The following DGKG variants were observed in gnomAD, a reference collection of about 807,000 sequenced individuals.
DGKG encodes the protein diacylglycerol kinase gamma.
A neutral mutation model predicts 105.3 loss-of-function variants in DGKG; 78 were observed. The ratio of observed to expected loss-of-function variants is 0.74; its 90% CI spans 0.62 to 0.89. The LOEUF is 0.89. Among genes scored for constraint, DGKG ranks in the 40% least tolerant of loss-of-function variants. The pLI, the probability that DGKG is intolerant of heterozygous loss-of-function variation, is 0.00. For synonymous variants in DGKG, 346 were observed against 367.1 expected (o/e 0.94, Z 0.66); for missense variants, 958 against 1,020.1 (o/e 0.94, Z 0.83).
intron 17 of DGKG, chr3:186,257,638 C>G (rs959923000): frequency 8.2e-6 from 4 of 486,848 alleles, no homozygotes; most frequent in Non-Finnish European, 1.5e-5. Flanking sequence ...TGAAACTAAA[C>G]TGTTACCTCC....
At chr3:186,207,453 G>A (rs1209650278) in intron 21 of DGKG, 1 of 985,244 alleles carries the variant, frequency 1.0e-6, no homozygotes, top group Non-Finnish European at 1.2e-6. Flanking sequence ...CCCTTCTCTG[G>A]AAAGGTGATT....
Position 186,362,026 on chromosome 3 carries a change from G to A in DGKG, c.-329C>T, listed in dbSNP as rs1410667222. 6.6e-6 allele frequency: 1 copy of A among 152,242 alleles called. No individual in the cohort carries two copies. The highest frequency in any genetic ancestry group is 2.4e-5 in the African/African-American group (1 of 41,442). The allele number at this position is 152,242 out of a possible 1,614,324, so 9.4% of individuals were successfully genotyped here. A position where few individuals can be genotyped will look rare whatever the true frequency, so the allele number is the denominator to read the frequency against. ...TATTCCCTTACTTGGGAGGAAAGAGGAACCGAGAGACAGAAGGGGGACCGA... is the reference window on the plus strand; with the variant it reads ...TATTCCCTTACTTGGGAGGAAAGAGAAACCGAGAGACAGAAGGGGGACCGA... On this transcript the variant is annotated 5_prime_UTR_variant, in exon 1 of 25. Transcript: ENST00000265022.
intron 20 of DGKG, among the ~76,000 whole-genome samples, chr3:186,228,110 A>G (rs1445520943): frequency 6.6e-6 from 1 of 152,212 alleles, no homozygotes; most frequent in Non-Finnish European, 1.5e-5. Context: ...TGAGGAAGAG[A>G]GAATGACATG....
chr3:186,253,847 A>G (rs1317464553), intron 17 of DGKG, among the ~76,000 whole-genome samples: 3 of 152,208 alleles, frequency 2.0e-5, no homozygotes, highest in African/African-American at 7.2e-5. Context: ...ACATTGGACA[A>G]GCTGAAGATG....
At chr3:186,246,284 TA>T (rs1720937303) in intron 19 of DGKG, among the ~76,000 whole-genome samples, 1 of 152,240 alleles carries the variant, frequency 6.6e-6, no homozygotes, top group African/African-American at 2.4e-5. Context: ...AAATTAATTT[TA>T]ATAATATATT....
chr3:186,313,559 TA>T, intron 2 of DGKG: 1 of 984,138 alleles, frequency 1.0e-6, no homozygotes, highest in Non-Finnish European at 1.2e-6. Context: ...ATCTTGCAAC[TA>T]AAAGTGTGGT....
chr3:186,278,990 G>A (rs1446975148), intron 9 of DGKG: 4 of 152,178 alleles, frequency 2.6e-5, no homozygotes, highest in African/African-American at 4.8e-5. Context: ...TACAGTAACT[G>A]GGTCAGATGA....
At chr3:186,275,723 G>C (rs1056474736) in intron 9 of DGKG, 59 bp from the exon 10 acceptor site, 12 of 1,158,184 alleles carry the variant, frequency 1.0e-5, no homozygotes, top group Non-Finnish European at 1.5e-5. Context: ...GAGGAAGCCA[G>C]GGGCTGCCTC....
chr3:186,152,231 GTC>G (rs1715796425), intron 24 of DGKG, among the ~76,000 whole-genome samples: 1 of 152,134 alleles, frequency 6.6e-6, no homozygotes, highest in African/African-American at 2.4e-5. Flanking sequence ...AGGGGAGAGA[GTC>G]TCTGTTTTTT....
chr3:186,324,379 G>A (rs949991610), intron 1 of DGKG, among the ~76,000 whole-genome samples: 1 of 152,000 alleles, frequency 6.6e-6, no homozygotes, highest in Non-Finnish European at 1.5e-5. Context: ...GATTAAGTGG[G>A]TTAATATATG....
At chr3:186,251,648 G>T (rs1310907013) in intron 19 of DGKG, 111 bp downstream of exon 19, 2 of 1,272,958 alleles carry the variant, frequency 1.6e-6, no homozygotes, top group African/African-American at 1.5e-5. Context: ...TCAGGGCTGG[G>T]GGGGCAGGTA....
intron 22 of DGKG, among the ~76,000 whole-genome samples, chr3:186,166,620 G>A (rs573698221): frequency 1.8e-5 from 2 of 110,236 alleles, no homozygotes; most frequent in Non-Finnish European, 3.8e-5. Flanking sequence ...AACAACATGG[G>A]CTATAAATGT....
chr3:186,300,414 G>A (rs9868652), intron 3 of DGKG, among the ~76,000 whole-genome samples: 34,556 of 151,996 alleles, frequency 0.23, 4,179 homozygotes, highest in African/African-American at 0.29. Flanking sequence ...GGTCACAGAC[G>A]TGATCATCTC....
At chr3:186,286,899 C>T (rs1310758142) in intron 6 of DGKG, among the ~76,000 whole-genome samples, 1 of 151,836 alleles carries the variant, frequency 6.6e-6, no homozygotes, top group Non-Finnish European at 1.5e-5. Flanking sequence ...CTGGGCGTAG[C>T]GGCGGGCACC....
intron 20 of DGKG, among the ~76,000 whole-genome samples, chr3:186,215,968 A>C (rs1001412863): frequency 6.6e-6 from 1 of 151,428 alleles, no homozygotes; most frequent in Non-Finnish European, 1.5e-5. Flanking sequence ...GATGAATAAG[A>C]CAAGCAAGAC....
intron 1 of DGKG, among the ~76,000 whole-genome samples, chr3:186,337,668 A>G (rs1042674240): frequency 1.6e-4 from 25 of 152,206 alleles, no homozygotes; most frequent in Admixed American, 2.0e-4. Context: ...AAATTGGAAT[A>G]GAAAAGGCAA....
At chr3:186,208,164 C>G (rs1718845196) in intron 21 of DGKG, among the ~76,000 whole-genome samples, 1 of 152,102 alleles carries the variant, frequency 6.6e-6, no homozygotes, top group Non-Finnish European at 1.5e-5. Flanking sequence ...GCCTCAGCCT[C>G]CCAAGTAGCT....
chr3:186,318,749 G>T (rs577328325), intron 2 of DGKG, among the ~76,000 whole-genome samples: 1 of 152,248 alleles, frequency 6.6e-6, no homozygotes, highest in African/African-American at 2.4e-5. Context: ...CTCTCAGAAG[G>T]AGCCAGCGCC....
rs1162911866 is a variant in DGKG at position 186,204,032 on chromosome 3, T to C, written c.1917+7763A>G. ...GCCCACAGCTGGAGCTTAAGAGCCG[T>C]GAGTTCTCTTCTGCACATACTGGTT... On this transcript the variant is annotated intron_variant, in intron 21 of 24. Coordinates refer to ENST00000265022, the MANE Select transcript of DGKG (RefSeq NM_001346.3). 3.3e-5 allele frequency among the ~76,000 whole-genome samples: 5 copies of C among 152,236 alleles called. No homozygotes were observed. In the East Asian group the frequency reaches 9.6e-4, roughly 29 times the overall value.
Sources: allele counts gnomAD v4.1 joint callset (sites outside exome capture counted in the v4.1 genomes callset), GRCh38; gene constraint gnomAD v4.1.1; transcripts MANE v1.5; gene names NCBI Gene and HGNC (gene_info 2026-07-23, HGNC 2026-07-21).